The following TPP2 variants were observed in gnomAD, a reference collection of about 807,000 sequenced individuals.
TPP2 encodes the protein tripeptidyl-peptidase 2.
Under a neutral mutation model 155.9 loss-of-function variants are expected in TPP2, and 34 were observed. The ratio of observed to expected loss-of-function variants is 0.22; its 90% CI spans 0.17 to 0.29. TPP2 has a LOEUF of 0.29. TPP2 is among the 10% of genes least tolerant of loss of function. The probability of loss-of-function intolerance (pLI) is 1.00; values close to 1 mark genes in which losing one functional copy is unlikely to be tolerated. For synonymous variants in TPP2, 510 were observed against 529.4 expected (o/e 0.96, Z 0.50); for missense variants, 1,028 against 1,522.3 (o/e 0.68, Z 5.40).
chr13:102,625,914 A>T (rs1051198276), intron 6 of TPP2, among the ~76,000 whole-genome samples: 1 of 152,182 alleles, frequency 6.6e-6, no homozygotes, highest in African/African-American at 2.4e-5. Context: ...CTCTATATTC[A>T]TGTCTTTTAA....
intron 27 of TPP2, among the ~76,000 whole-genome samples, chr13:102,672,046 C>T (rs900757027): frequency 7.2e-5 from 11 of 152,104 alleles, no homozygotes; most frequent in Admixed American, 2.0e-4. Flanking sequence ...CCTTCATTTT[C>T]GAGGGTTCCA....
In TPP2 at chr13:102,604,714, C is replaced by G. The variant is rs1351343443; in HGVS notation, c.166-79C>G. ...AATGTAGATTTTGTATATACACACA[C>G]ATATATATGTGGATTTGCATTGTTT... On this transcript the variant is annotated intron_variant, in intron 1 of 29. Coordinates refer to ENST00000376052, the MANE Select transcript of TPP2 (RefSeq NM_001330588.2). 1.0e-5 allele frequency: 15 copies of G among 1,455,006 alleles called. No homozygotes were observed. Among genetic ancestry groups the G allele is most frequent in the Non-Finnish European group, 1.4e-5 (15 of 1,070,590 alleles). The allele number at this position is 1,455,006 out of a possible 1,614,324, so 90.1% of individuals were successfully genotyped here.
intron 27 of TPP2, among the ~76,000 whole-genome samples, chr13:102,667,528 T>C (rs1884688201): frequency 6.6e-6 from 1 of 152,200 alleles, no homozygotes; most frequent in Non-Finnish European, 1.5e-5. Context: ...ATATTTCAAA[T>C]TGTAAAAGCC....
Position 102,678,286 on chromosome 13 carries a change from C to T in TPP2, c.3759C>T (p.Ile1253=). The change falls in exon 30 of 30, where the codon ATC becomes ATT. Residue 1253 remains isoleucine, a synonymous_variant. Coordinates refer to ENST00000376052, the MANE Select transcript of TPP2 (RefSeq NM_001330588.2). ...CASFTENWLP[I]MYPPDYCVF is the part of the protein sequence containing the mutation. ...CTTTTACTGAAAACTGGCTCCCCAT[C>T]ATGTATCCTCCCGATTATTGCGTAT... 6.2e-7 allele frequency: 1 copy of T among 1,613,712 alleles called. No homozygotes were observed. Among genetic ancestry groups the T allele is most frequent in the Non-Finnish European group, 8.5e-7 (1 of 1,179,742 alleles).
intron 27 of TPP2, among the ~76,000 whole-genome samples, chr13:102,666,766 C>CTTTTTTTTTTTTT: frequency 9.0e-4 from 50 of 55,736 alleles, no homozygotes; most frequent in East Asian, 1.4e-3. Context: ...TTTTTAATCT[C>CTTTTTTTTTTTTT]TTTTTTTTTT....
chr13:102,638,132 A>T, intron 14 of TPP2, 107 bp from the exon 15 acceptor site: 1 of 1,067,520 alleles, frequency 9.4e-7, no homozygotes, highest in South Asian at 1.3e-5. Context: ...TCTGGTTAAG[A>T]CCTTGATTAA....
chr13:102,629,232 C>T (rs531053725), intron 8 of TPP2, among the ~76,000 whole-genome samples: 1 of 152,230 alleles, frequency 6.6e-6, no homozygotes, highest in Admixed American at 6.5e-5. Context: ...TATTTTACTA[C>T]CTTGTAGTAT....
chr13:102,619,169 A>G (rs1880965714), intron 5 of TPP2, among the ~76,000 whole-genome samples: 1 of 152,210 alleles, frequency 6.6e-6, no homozygotes, highest in African/African-American at 2.4e-5. Context: ...GGGCTTTGTG[A>G]AAATTAAATT....
At chr13:102,671,950 A>G (rs1885008853) in intron 27 of TPP2, among the ~76,000 whole-genome samples, 1 of 152,202 alleles carries the variant, frequency 6.6e-6, no homozygotes, top group South Asian at 2.1e-4. Context: ...CTGTTGTCCC[A>G]TGATGAAACC....
chr13:102,661,686 C>T (rs147331563), intron 25 of TPP2, among the ~76,000 whole-genome samples: 16 of 152,150 alleles, frequency 1.1e-4, no homozygotes, highest in Non-Finnish European at 5.9e-5. Context: ...TGCTCAAAAT[C>T]GTTAGTCTTC....
At position 102,630,126 on chromosome 13, in the gene TPP2, T is replaced by C. The variant is rs1237205153; in HGVS notation, c.1175T>C (p.Met392Thr). 1 of 1,613,632 alleles carries C rather than the reference T, an allele frequency of 6.2e-7. No individual in the cohort carries two copies. Among genetic ancestry groups the C allele is most frequent in the South Asian group, 1.1e-5 (1 of 91,066 alleles). ...GGTGCTTATGTTTCTCCTGATATGATGGTTGCTGAGTATTCACTGAGAGAG... is the reference window on the plus strand; with the variant it reads ...GGTGCTTATGTTTCTCCTGATATGACGGTTGCTGAGTATTCACTGAGAGAG... The part of the protein sequence containing the change: ...GVGAYVSPDM[M>T]VAEYSLREKL... Residue 392 changes from methionine (M) to threonine (T), a missense_variant, in exon 10 of 30, where the codon ATG becomes ACG. Coordinates refer to ENST00000376052, the MANE Select transcript of TPP2 (RefSeq NM_001330588.2).
intron 8 of TPP2, 90 bp from the exon 9 acceptor site, chr13:102,629,392 G>A (rs1188963524): frequency 5.9e-6 from 8 of 1,353,948 alleles, no homozygotes; most frequent in Non-Finnish European, 6.7e-6. Flanking sequence ...CAAAATTTAT[G>A]TAGCCATATA....
intron 15 of TPP2, 76 bp downstream of exon 15, chr13:102,638,391 T>C: frequency 7.1e-7 from 1 of 1,407,886 alleles, no homozygotes; most frequent in South Asian, 1.2e-5. Flanking sequence ...TGTGGACTTT[T>C]AATGATCACT....
At chr13:102,630,356 TAAATA>T (rs1881938963) in intron 10 of TPP2, among the ~76,000 whole-genome samples, 161 bp downstream of exon 10, 2 of 152,168 alleles carry the variant, frequency 1.3e-5, no homozygotes, top group African/African-American at 2.4e-5. Flanking sequence ...CAGGGACAGA[TAAATA>T]AAATAAATGA....
At chr13:102,653,589 A>T (rs2139561964) in intron 24 of TPP2, among the ~76,000 whole-genome samples, 1 of 152,102 alleles carries the variant, frequency 6.6e-6, no homozygotes, top group Non-Finnish European at 1.5e-5. Flanking sequence ...GAGAGGTCTT[A>T]CTACGTATGT....
chr13:102,647,142 A>G (rs1595185562), intron 20 of TPP2, 65 bp from the exon 21 acceptor site: 1 of 1,480,924 alleles, frequency 6.8e-7, no homozygotes, highest in South Asian at 1.4e-5. Flanking sequence ...CAATAACAAT[A>G]TTAAAAATTT....
In TPP2 at chr13:102,635,714, T is replaced by A; in HGVS notation, c.1509+12T>A. On this transcript the variant is annotated intron_variant, in intron 12 of 29. Transcript: ENST00000376052. ...ATGGTATTATTCAGGTATTGTTGCCTATATGAAAAATGGGTTGTAAAGCAT... is the reference window on the plus strand; with the variant it reads ...ATGGTATTATTCAGGTATTGTTGCCAATATGAAAAATGGGTTGTAAAGCAT... The A allele has an allele frequency of 6.3e-7, 1 of 1,589,194 alleles. No homozygotes were observed.
intron 6 of TPP2, among the ~76,000 whole-genome samples, chr13:102,624,769 G>A (rs905309051): frequency 3.3e-5 from 5 of 151,266 alleles, no homozygotes; most frequent in Admixed American, 1.3e-4. Context: ...GGTATCTGTC[G>A]ACATATATTT....
intron 10 of TPP2, among the ~76,000 whole-genome samples, chr13:102,633,193 G>A (rs999620944): frequency 1.3e-5 from 2 of 152,158 alleles, no homozygotes; most frequent in Non-Finnish European, 2.9e-5. Context: ...TTTGTTGGAT[G>A]ATAATGTGGT....
Sources: gnomAD v4.1 joint callset for allele counts (sites outside exome capture counted in the v4.1 genomes callset) on GRCh38, gnomAD v4.1.1 for gene constraint, MANE v1.5 for transcripts, NCBI Gene and HGNC (gene_info 2026-07-23, HGNC 2026-07-21) for gene names.